The following TAF4 variants were observed in gnomAD, a reference collection of about 807,000 sequenced individuals.
TAF4 encodes the protein TATA-box binding protein associated factor 4.
Under a neutral mutation model 90.3 loss-of-function variants are expected in TAF4, and 9 were observed. The observed-to-expected ratio is 0.10, with a 90% CI of 0.06 to 0.17. The LOEUF (loss-of-function observed/expected upper bound fraction) is 0.17, where lower values mean the gene tolerates loss of function less well. Among genes scored for constraint, TAF4 ranks in the 10% least tolerant of loss-of-function variants. TAF4 has a pLI of 1.00. For synonymous variants in TAF4, 818 were observed against 638.9 expected (o/e 1.28, Z -4.23); for missense variants, 1,351 against 1,370.7 (o/e 0.99, Z 0.23).
intron 1 of TAF4, among the ~76,000 whole-genome samples, chr20:62,053,183 G>A (rs2056039919): frequency 6.6e-6 from 1 of 152,198 alleles, no homozygotes. Flanking sequence ...CCTATCACCT[G>A]TCCAGAATCA....
At chr20:62,027,976 T>C (rs763923115) in intron 1 of TAF4, among the ~76,000 whole-genome samples, 7 of 152,064 alleles carry the variant, frequency 4.6e-5, no homozygotes, top group Non-Finnish European at 7.4e-5. Flanking sequence ...AGGCCAGGAG[T>C]TGTATCATTC....
chr20:62,012,951 G>A lies in TAF4; in HGVS notation c.1522-17C>T. 6.2e-7 allele frequency: 1 copy of A among 1,612,096 alleles called. No individual in the cohort carries two copies. Among genetic ancestry groups the A allele is most frequent in the Non-Finnish European group, 8.5e-7 (1 of 1,179,464 alleles). On this transcript the variant is annotated splice_polypyrimidine_tract_variant and intron_variant, in intron 2 of 14. Transcript: ENST00000252996. ...TCCAGGTGCCTGAAAAATAAGCAGA[G>A]TCACCTAAAACGAGCGCAAGTAAAA... is the stretch of plus-strand genomic sequence containing the variant.
At chr20:62,014,229 A>G (rs2055799957) in intron 2 of TAF4, among the ~76,000 whole-genome samples, 1 of 152,022 alleles carries the variant, frequency 6.6e-6, no homozygotes, top group Admixed American at 6.5e-5. Context: ...CAGGAAGGTG[A>G]AGCCACAGGG....
chr20:62,055,488 T>C (rs2056058182), intron 1 of TAF4, among the ~76,000 whole-genome samples: 1 of 152,028 alleles, frequency 6.6e-6, no homozygotes, highest in Admixed American at 6.5e-5. Flanking sequence ...AGCCCTGCAA[T>C]AAAATCAATT....
chr20:62,011,890 C>A (rs1393390928), intron 3 of TAF4, among the ~76,000 whole-genome samples: 3 of 152,192 alleles, frequency 2.0e-5, no homozygotes, highest in Non-Finnish European at 4.4e-5. Flanking sequence ...CAAGAAAAAC[C>A]CCTGAACCAT....
chr20:61,999,256 A>T, intron 11 of TAF4, 148 bp from the exon 12 acceptor site: 1 of 1,022,790 alleles, frequency 9.8e-7, no homozygotes, highest in Non-Finnish European at 1.4e-6. Context: ...CCACCCTGCA[A>T]ATGCTGCGCC....
At chr20:62,031,339 G>C (rs183154646) in intron 1 of TAF4, among the ~76,000 whole-genome samples, 17 of 152,308 alleles carry the variant, frequency 1.1e-4, no homozygotes, top group Admixed American at 7.2e-4. Context: ...CGCTTCCGCC[G>C]ACAGCAGTGA....
At position 61,997,685 on chromosome 20, in the gene TAF4, G is replaced by T. The variant is rs1425968773; in HGVS notation, c.2971-16C>A. The T allele has an allele frequency of 6.2e-7, 1 of 1,605,010 alleles. No individual in the cohort carries two copies. The highest frequency in any genetic ancestry group is 1.3e-5 in the African/African-American group (1 of 74,432). Reference sequence around the variant, plus strand: ...GTTGCTGCATCTTTTATTTTGAAAAGGAGACAAGGAGCATCATTTCTTGCA... The same window carrying T: ...GTTGCTGCATCTTTTATTTTGAAAATGAGACAAGGAGCATCATTTCTTGCA... On this transcript the variant is annotated splice_polypyrimidine_tract_variant and intron_variant, in intron 13 of 14. Coordinates refer to ENST00000252996, the MANE Select transcript of TAF4 (RefSeq NM_003185.4).
Position 62,064,632 on chromosome 20 carries a change from G to A in TAF4, c.1179C>T (p.Ala393=), listed in dbSNP as rs1165240072. The change falls in exon 1 of 15, where the codon GCC becomes GCT. Residue 393 remains alanine (A), a synonymous_variant. Coordinates refer to ENST00000252996, the MANE Select transcript of TAF4 (RefSeq NM_003185.4). ...TGGGCAGCCCGGTGGGGGTCCCGGG[G>A]GCGGGCGGCGGGACGGCGGCCGGGC... ...LPSPAAVPPP[A]PGTPTGLPKG... is the part of the protein sequence containing the mutation. 2.2e-6 allele frequency: 3 copies of A among 1,348,010 alleles called. No homozygotes were observed. Among genetic ancestry groups the A allele is most frequent in the Non-Finnish European group, 2.8e-6 (3 of 1,056,720 alleles). 83.5% of individuals were successfully genotyped at this position (1,348,010 alleles called of 1,614,324 possible). A position where few individuals can be genotyped will look rare whatever the true frequency, so the allele number is the denominator to read the frequency against.
intron 1 of TAF4, among the ~76,000 whole-genome samples, chr20:62,061,948 G>A (rs2056091109): frequency 6.6e-6 from 1 of 152,200 alleles, no homozygotes; most frequent in Non-Finnish European, 1.5e-5. Flanking sequence ...CTAAGGCTTA[G>A]CCTTAAAGAC....
At position 61,983,233 on chromosome 20, in the gene TAF4, C is replaced by T. The variant is rs545789870; in HGVS notation, c.3091-6898G>A. On this transcript the variant is annotated intron_variant, in intron 14 of 14. Coordinates refer to ENST00000252996, the MANE Select transcript of TAF4 (RefSeq NM_003185.4). Reference sequence around the variant, plus strand: ...CCTGTGAGACAGGAGACCAGGGCGTCGTCACTAGTTTAAGTACAAAAGTAA... The same window carrying T: ...CCTGTGAGACAGGAGACCAGGGCGTTGTCACTAGTTTAAGTACAAAAGTAA... 2.6e-4 allele frequency among the ~76,000 whole-genome samples: 39 copies of T among 150,500 alleles called. 1 individual carries two copies. The highest frequency in any genetic ancestry group is 9.0e-4 in the African/African-American group (37 of 40,932).
intron 1 of TAF4, among the ~76,000 whole-genome samples, chr20:62,029,486 G>GCGCGCACA (rs148456376): frequency 8.9e-5 from 13 of 146,188 alleles, no homozygotes; most frequent in African/African-American, 2.9e-4. Flanking sequence ...GCGCGCGCGC[G>GCGCGCACA]CACACACACA....
intron 1 of TAF4, among the ~76,000 whole-genome samples, chr20:62,061,163 C>T (rs1011184698): frequency 2.0e-5 from 3 of 152,244 alleles, no homozygotes; most frequent in African/African-American, 7.2e-5. Flanking sequence ...GCCACCAGAA[C>T]TCACAGCTCC....
rs766164306 is a variant in TAF4 at position 61,976,243 on chromosome 20, C to T, written c.3183G>A (p.Arg1061=). The T allele has an allele frequency of 5.0e-6, 8 of 1,613,998 alleles. No homozygotes were observed. The highest frequency in any genetic ancestry group is 6.8e-6 in the Non-Finnish European group (8 of 1,180,034). The change falls in exon 15 of 15, where the codon AGG becomes AGA. Residue 1061 remains arginine, a synonymous_variant. Transcript: ENST00000252996. The part of the protein sequence containing the change: ...TRQRITRVNL[R]DLIFCLENER... ...CATTTTCTAAACAAAATATGAGGTC[C>T]CTGAGGTTGACCCGCGTGATTCTTT...
At chr20:62,040,988 T>C (rs999080710) in intron 1 of TAF4, among the ~76,000 whole-genome samples, 12 of 152,184 alleles carry the variant, frequency 7.9e-5, no homozygotes, top group African/African-American at 2.9e-4. Context: ...ACAGAAACCA[T>C]TCCCCATAAA....
At chr20:62,062,601 G>C (rs1410205207) in intron 1 of TAF4, among the ~76,000 whole-genome samples, 1 of 152,064 alleles carries the variant, frequency 6.6e-6, no homozygotes, top group Non-Finnish European at 1.5e-5. Context: ...CTCACACACA[G>C]GAATCACGCA....
chr20:62,063,754 C>A (rs939372203), intron 1 of TAF4, among the ~76,000 whole-genome samples: 1 of 152,236 alleles, frequency 6.6e-6, no homozygotes, highest in Non-Finnish European at 1.5e-5. Flanking sequence ...GACAGTGACA[C>A]ACACGGTGCT....
intron 1 of TAF4, among the ~76,000 whole-genome samples, chr20:62,036,261 G>A (rs1194978481): frequency 2.0e-5 from 3 of 152,190 alleles, no homozygotes; most frequent in Non-Finnish European, 4.4e-5. Context: ...CTGACCTCAG[G>A]TGATCCACCC....
chr20:62,030,727 C>T (rs190824276), intron 1 of TAF4, among the ~76,000 whole-genome samples: 1 of 152,308 alleles, frequency 6.6e-6, no homozygotes, highest in Non-Finnish European at 1.5e-5. Context: ...TACTAAGTTG[C>T]CAATAATGTT....
Sources: gnomAD v4.1 joint callset for allele counts (sites outside exome capture counted in the v4.1 genomes callset) on GRCh38, gnomAD v4.1.1 for gene constraint, MANE v1.5 for transcripts, NCBI Gene and HGNC (gene_info 2026-07-23, HGNC 2026-07-21) for gene names.